Variants in ACCSL observed in about 807,000 individuals in gnomAD.
ACCSL encodes probable inactive 1-aminocyclopropane-1-carboxylate synthase-like protein 2.
ACCSL carries 55 observed loss-of-function variants against 61.7 expected under a neutral mutation model. The observed-to-expected ratio is 0.89, with a 90% CI of 0.72 to 1.12. The LOEUF (loss-of-function observed/expected upper bound fraction) is 1.12. Ranked by LOEUF, ACCSL falls within the 50% of genes most tolerant of loss-of-function variation. The pLI is 0.00. For missense variants in ACCSL, 632 were observed against 698.0 expected (o/e 0.91, Z 1.07); for synonymous variants, 258 against 264.3 (o/e 0.98, Z 0.23).
At chr11:43,939,022 A>AG in the ACCSL span, among the ~76,000 whole-genome samples, 44 of 152,316 alleles carry the variant, frequency 2.9e-4, no homozygotes, top group Non-Finnish European at 5.0e-4. Flanking sequence ...TTCAATGCTG[A>AG]GGACACCAGT....
the ACCSL span, among the ~76,000 whole-genome samples, chr11:43,957,412 T>A: frequency 8.1e-4 from 124 of 152,240 alleles, no homozygotes; most frequent in African/African-American, 2.9e-3. Context: ...GAAGTCAATA[T>A]AAAGAAATGC....
At chr11:44,046,363 G>A (rs542397908), upstream of ACCSL, among the ~76,000 whole-genome samples, 2 of 152,314 alleles carry the variant, frequency 1.3e-5, no homozygotes, top group South Asian at 4.1e-4. Context: ...CATGGCCAAA[G>A]TCTTCATTTA....
chr11:44,058,533 C>G lies in ACCSL; in HGVS notation c.1471-13C>G. 1 of 1,613,796 alleles carries G rather than the reference C, an allele frequency of 6.2e-7. No individual in the cohort carries two copies. Among genetic ancestry groups the G allele is most frequent in the Non-Finnish European group, 8.5e-7 (1 of 1,179,780 alleles). On this transcript the variant is annotated splice_polypyrimidine_tract_variant and intron_variant, in intron 12 of 13. Transcript: ENST00000378832. ...GGGTCTTGGGCTCAGTTCTGTTCCT[C>G]TGCCCTCCCTAGTACCTGGATCCCT...
the ACCSL span, among the ~76,000 whole-genome samples, chr11:43,934,029 A>C: frequency 6.6e-6 from 1 of 151,674 alleles, no homozygotes; most frequent in South Asian, 2.1e-4. Flanking sequence ...TGGACCGATG[A>C]GGGGGCTGTC....
the ACCSL span, among the ~76,000 whole-genome samples, chr11:44,002,208 T>C: frequency 6.6e-6 from 1 of 152,070 alleles, no homozygotes; most frequent in Admixed American, 6.5e-5. Flanking sequence ...AGGGCCATTC[T>C]GGTGGGGGAC....
chr11:43,996,915 CG>C, the ACCSL span, among the ~76,000 whole-genome samples: 1 of 151,204 alleles, frequency 6.6e-6, no homozygotes, highest in Non-Finnish European at 1.5e-5. Flanking sequence ...TGGGTTCAAA[CG>C]ATTATTGTGC....
the ACCSL span, chr11:43,943,264 G>A: frequency 1.3e-6 from 2 of 1,500,206 alleles, no homozygotes; most frequent in East Asian, 5.7e-5. This position sits in a 1 kb window ranked among gnomAD's most constrained non-coding sequence, Gnocchi z 4.8. Context: ...ACTCCGACTC[G>A]GCCCTGTAAG....
At chr11:44,056,010 C>A in intron 9 of ACCSL, 30 bp from the exon 10 acceptor site, 2 of 1,613,434 alleles carry the variant, frequency 1.2e-6, no homozygotes, top group African/African-American at 1.3e-5. Context: ...TTCTCTATAA[C>A]CTTAGTTAAT....
the ACCSL span, among the ~76,000 whole-genome samples, chr11:43,975,942 A>G: frequency 6.6e-6 from 1 of 152,164 alleles, no homozygotes; most frequent in African/African-American, 2.4e-5. Flanking sequence ...ATTAATTGCT[A>G]TGCAGTGACT....
the ACCSL span, among the ~76,000 whole-genome samples, chr11:44,026,031 T>C: frequency 1.6e-4 from 25 of 152,338 alleles, no homozygotes; most frequent in Non-Finnish European, 3.2e-4. Context: ...TTTGAATTTA[T>C]CCTAAGTGGA....
the ACCSL span, among the ~76,000 whole-genome samples, chr11:43,980,366 T>C: frequency 8.5e-5 from 13 of 152,212 alleles, no homozygotes; most frequent in East Asian, 2.1e-3. Flanking sequence ...TGTAGAAACA[T>C]TGGAGCAATT....
At chr11:44,040,909 T>C in the ACCSL span, among the ~76,000 whole-genome samples, 1 of 152,148 alleles carries the variant, frequency 6.6e-6, no homozygotes, top group Non-Finnish European at 1.5e-5. Context: ...GGGCCTGAGG[T>C]TGACCAACTT....
At chr11:43,973,881 C>T in the ACCSL span, 1 of 152,146 alleles carries the variant, frequency 6.6e-6, no homozygotes, top group Admixed American at 6.5e-5. Flanking sequence ...AATCTTCCTC[C>T]TGTGGATATA....
At chr11:44,025,967 ACTTTTT>A in the ACCSL span, among the ~76,000 whole-genome samples, 4 of 152,150 alleles carry the variant, frequency 2.6e-5, no homozygotes, top group African/African-American at 9.7e-5. Context: ...TGTGTTCAAG[ACTTTTT>A]CTTTGTCTTT....
chr11:44,059,786 C>G, intron 13 of ACCSL, 52 bp from the exon 14 acceptor site: 1 of 1,547,682 alleles, frequency 6.5e-7, no homozygotes, highest in South Asian at 1.1e-5. Context: ...TGGGACCCAC[C>G]AGCAAACCTA....
chr11:44,058,339 A>C lies in ACCSL; in HGVS notation c.1350A>C (p.Leu450=). The change falls in exon 12 of 14, where the codon CTA becomes CTC. Residue 450 remains leucine, a synonymous_variant. Coordinates refer to ENST00000378832, the MANE Select transcript of ACCSL (RefSeq NM_001031854.2). Reference sequence around the variant, plus strand: ...CAGAATGGATTGACAAAGTATACCTACCCACCAATTGCTACCGGCTCCGGG... The same window carrying C: ...CAGAATGGATTGACAAAGTATACCTCCCCACCAATTGCTACCGGCTCCGGG... ...QNTEWIDKVY[L]PTNCYRLREA... 6.2e-7 allele frequency: 1 copy of C among 1,614,162 alleles called. No individual in the cohort carries two copies. The highest frequency in any genetic ancestry group is 8.5e-7 in the Non-Finnish European group (1 of 1,180,026).
the ACCSL span, among the ~76,000 whole-genome samples, chr11:43,965,474 T>C: frequency 6.6e-6 from 1 of 152,192 alleles, no homozygotes; most frequent in Non-Finnish European, 1.5e-5. Flanking sequence ...AATGGAACTA[T>C]ATCCCATATT....
chr11:43,977,322 G>C, the ACCSL span, among the ~76,000 whole-genome samples: 1 of 152,214 alleles, frequency 6.6e-6, no homozygotes, highest in Non-Finnish European at 1.5e-5. Context: ...TTAAATTAAG[G>C]AGATTATCTG....
chr11:44,015,961 A>C, the ACCSL span, among the ~76,000 whole-genome samples: 3 of 152,220 alleles, frequency 2.0e-5, no homozygotes, highest in Non-Finnish European at 2.9e-5. Context: ...TTAGTCATTT[A>C]TGATCATATT....
Sources: gnomAD v4.1 joint callset for allele counts (sites outside exome capture counted in the v4.1 genomes callset) on GRCh38, gnomAD v4.1.1 for gene constraint, Gnocchi (gnomAD v3.1) non-coding constraint, MANE v1.5 for transcripts, NCBI Gene and HGNC (gene_info 2026-07-23, HGNC 2026-07-21) for gene names.